Variants in EIF2AK3 observed in about 807,000 individuals in gnomAD.
EIF2AK3 encodes eukaryotic translation initiation factor 2 alpha kinase 3.
EIF2AK3 carries 50 observed loss-of-function variants against 113.5 expected under a neutral mutation model. The observed-to-expected ratio is 0.44, with a 90% CI of 0.35 to 0.56. The LOEUF (loss-of-function observed/expected upper bound fraction) is 0.56. Among genes scored for constraint, EIF2AK3 ranks in the 20% least tolerant of loss-of-function variants. The pLI is 0.00. For synonymous variants in EIF2AK3, 448 were observed against 495.4 expected (o/e 0.90, Z 1.27); for missense variants, 1,185 against 1,378.0 (o/e 0.86, Z 2.22).
intron 11 of EIF2AK3, 22 bp from the exon 12 acceptor site, chr2:88,576,725 A>C (rs1674468487): frequency 6.2e-7 from 1 of 1,613,082 alleles, no homozygotes; most frequent in African/African-American, 1.3e-5. Context: ...AAAATATTTA[A>C]GGTGATGGAT....
intron 3 of EIF2AK3, 55 bp from the exon 4 acceptor site, chr2:88,593,460 T>C (rs1434496736): frequency 6.3e-7 from 1 of 1,594,924 alleles, no homozygotes; most frequent in Non-Finnish European, 8.6e-7. Context: ...TCATAATAGA[T>C]CAGAGATATT....
chr2:88,577,082 C>T (rs1302564068), intron 11 of EIF2AK3, among the ~76,000 whole-genome samples: 1 of 151,438 alleles, frequency 6.6e-6, no homozygotes, highest in Non-Finnish European at 1.5e-5. Flanking sequence ...CTCCCTGGTT[C>T]AAGTGATTCT....
intron 2 of EIF2AK3, among the ~76,000 whole-genome samples, chr2:88,599,050 T>C (rs1381718160): frequency 2.6e-5 from 4 of 151,978 alleles, no homozygotes; most frequent in Non-Finnish European, 4.4e-5. Context: ...CCACGTTTAT[T>C]GTACAACTGT....
At chr2:88,596,095 T>C (rs1285343078) in intron 2 of EIF2AK3, among the ~76,000 whole-genome samples, 5 of 152,202 alleles carry the variant, frequency 3.3e-5, no homozygotes, top group South Asian at 2.1e-4. Context: ...AATGTGTAAA[T>C]AGATAATATA....
chr2:88,625,993 G>A (rs1421752522), intron 1 of EIF2AK3, among the ~76,000 whole-genome samples: 1 of 151,954 alleles, frequency 6.6e-6, no homozygotes, highest in Non-Finnish European at 1.5e-5. Context: ...ATGACTATAA[G>A]TCTAAAATAT....
chr2:88,608,286 C>A (rs964695872), intron 2 of EIF2AK3, among the ~76,000 whole-genome samples: 1 of 151,828 alleles, frequency 6.6e-6, no homozygotes, highest in African/African-American at 2.4e-5. Flanking sequence ...AGGCTGGCCT[C>A]AAACTCCTGG....
intron 5 of EIF2AK3, 67 bp from the exon 6 acceptor site, chr2:88,590,672 A>G (rs1674864969): frequency 6.3e-7 from 1 of 1,582,786 alleles, no homozygotes; most frequent in Non-Finnish European, 8.6e-7. Flanking sequence ...AACCCATAAA[A>G]TACCATTTAA....
intron 1 of EIF2AK3, among the ~76,000 whole-genome samples, chr2:88,619,675 T>G (rs1262299111): frequency 6.6e-6 from 1 of 152,118 alleles, no homozygotes; most frequent in Non-Finnish European, 1.5e-5. Flanking sequence ...CTTTTCTGGC[T>G]GGGCACGGTG....
chr2:88,591,126 A>ATTAT, intron 4 of EIF2AK3, 74 bp from the exon 5 acceptor site: 1 of 1,334,730 alleles, frequency 7.5e-7, no homozygotes, highest in Non-Finnish European at 1.1e-6. Flanking sequence ...ACTCTTCTAG[A>ATTAT]TTGAAGAAGC....
intron 12 of EIF2AK3, among the ~76,000 whole-genome samples, chr2:88,575,925 T>C (rs1674447208): frequency 3.3e-5 from 5 of 152,054 alleles, no homozygotes; most frequent in Admixed American, 3.3e-4. Context: ...TTCACTCCAG[T>C]TGTTTGGTGG....
chr2:88,572,561 C>T (rs1395409054), intron 13 of EIF2AK3, among the ~76,000 whole-genome samples: 1 of 152,194 alleles, frequency 6.6e-6, no homozygotes, highest in Admixed American at 6.5e-5. Context: ...ACCCCACCAA[C>T]TCCAAAAGAC....
chr2:88,604,864 C>T (rs1050602877), intron 2 of EIF2AK3, among the ~76,000 whole-genome samples: 41 of 152,110 alleles, frequency 2.7e-4, no homozygotes, highest in African/African-American at 9.7e-4. Context: ...AGAGAAAATA[C>T]AAATAAATTG....
At chr2:88,622,709 G>A (rs879364623) in intron 1 of EIF2AK3, among the ~76,000 whole-genome samples, 12 of 152,186 alleles carry the variant, frequency 7.9e-5, no homozygotes, top group Non-Finnish European at 1.8e-4. Flanking sequence ...TTGGGTGAGT[G>A]AATAGGAATA....
chr2:88,605,557 T>G (rs1425442550), intron 2 of EIF2AK3, among the ~76,000 whole-genome samples: 2 of 152,198 alleles, frequency 1.3e-5, no homozygotes, highest in African/African-American at 4.8e-5. Flanking sequence ...CTAAAATTCT[T>G]TGATTGTAAC....
At position 88,583,580 on chromosome 2, in the gene EIF2AK3, GCTGAA is replaced by G. The variant is rs776886561; in HGVS notation, c.1651-43_1651-39del. ...AAAACAAAATCACTACCAGTACAAA[GCTGAA>G]CTGAAGTTAGCTAACAATTTTAGGT... On this transcript the variant is annotated intron_variant, in intron 9 of 16. Coordinates refer to ENST00000303236, the MANE Select transcript of EIF2AK3 (RefSeq NM_004836.7). 6.5e-5 allele frequency: 94 copies of G among 1,451,140 alleles called. No individual in the cohort carries two copies. In the East Asian group the frequency reaches 1.1e-3, roughly 17 times the overall value. The allele number at this position is 1,451,140 out of a possible 1,614,324, so 89.9% of individuals were successfully genotyped here. A position where few individuals can be genotyped will look rare whatever the true frequency, so the allele number is the denominator to read the frequency against.
chr2:88,585,198 G>A (rs919591116), intron 9 of EIF2AK3, among the ~76,000 whole-genome samples: 1 of 152,098 alleles, frequency 6.6e-6, no homozygotes, highest in Non-Finnish European at 1.5e-5. Flanking sequence ...AGATATCTAG[G>A]AGGAAGGATT....
In EIF2AK3 at chr2:88,595,675, G is replaced by A. The variant is rs1268567145; in HGVS notation, c.439-12C>T. On this transcript the variant is annotated splice_polypyrimidine_tract_variant and intron_variant, in intron 2 of 16. Coordinates refer to ENST00000303236, the MANE Select transcript of EIF2AK3 (RefSeq NM_004836.7). The stretch of plus-strand genomic sequence containing the variant: ...TTATTCCCAAATACCTAAAACAGAA[G>A]CTAACTTTTTAAAAGGGCCATAACA... 2.5e-6 allele frequency: 4 copies of A among 1,612,712 alleles called. No individual in the cohort carries two copies. The African/African-American group carries it at 5.3e-5, about 22-fold the overall frequency.
chr2:88,579,776 AT>A, intron 10 of EIF2AK3, 136 bp from the exon 11 acceptor site: 1 of 788,430 alleles, frequency 1.3e-6, no homozygotes. Context: ...TATATTTTGA[AT>A]TTGATTAACA....
chr2:88,593,294 C>T lies in EIF2AK3; in HGVS notation c.745G>A (p.Gly249Arg), dbSNP rs1255725028. ...CACTTCTCATTGCCACTGCGAGGTC[C>T]GACAGCTCTAACAGTTTTTTGGGTA... ...QRTQKTVRAV[G>R]PRSGNEKWNF... The change falls in exon 4 of 17, where the codon GGA becomes AGA. Residue 249 changes from glycine to arginine, a missense_variant. Physicochemically the swap from Gly to Arg is moderately radical, Grantham distance 125 (BLOSUM62 -2). Around this residue, in one of 3 missense-constraint regions of EIF2AK3, gnomAD observed 119 missense variants for 178.7 expected, o/e 0.67. Transcript: ENST00000303236. 5 of 1,613,868 alleles carry T rather than the reference C, an allele frequency of 3.1e-6. No individual in the cohort carries two copies. Among genetic ancestry groups the T allele is most frequent in the Non-Finnish European group, 4.2e-6 (5 of 1,179,984 alleles).
Sources: allele counts gnomAD v4.1 joint callset (sites outside exome capture counted in the v4.1 genomes callset), GRCh38; gene constraint gnomAD v4.1.1; regional missense constraint gnomAD v4.1.1; transcripts MANE v1.5; gene names NCBI Gene and HGNC (gene_info 2026-07-23, HGNC 2026-07-21).